The following IGSF9B variants were observed in gnomAD, a reference collection of about 807,000 sequenced individuals.
IGSF9B encodes the protein protein turtle homolog B.
Under a neutral mutation model 143.7 loss-of-function variants are expected in IGSF9B, and 48 were observed. That is an observed-to-expected ratio of 0.33 (90% confidence interval 0.26 to 0.42). IGSF9B has a LOEUF of 0.42. Ranked by LOEUF, IGSF9B falls within the 20% of genes least tolerant of loss-of-function variation. The probability of loss-of-function intolerance (pLI) is 1.00; values close to 1 mark genes in which losing one functional copy is unlikely to be tolerated. For missense variants in IGSF9B, 1,706 were observed against 1,980.0 expected (o/e 0.86, Z 2.63); for synonymous variants, 903 against 833.1 (o/e 1.08, Z -1.44).
intron 1 of IGSF9B, among the ~76,000 whole-genome samples, chr11:133,955,023 G>T (rs1315104328): frequency 6.6e-6 from 1 of 152,204 alleles, no homozygotes; most frequent in African/African-American, 2.4e-5. Flanking sequence ...CCTGACTTAG[G>T]TTCGGAGGCT....
rs1940089445 is a variant in IGSF9B, at chr11:133,948,058, T to TGC, written c.65-1801_65-1800insGC. Among the ~76,000 whole-genome samples, 1 of 33,274 alleles carries TGC rather than the reference T, an allele frequency of 3.0e-5. No homozygotes were observed. The highest frequency in any genetic ancestry group is 9.7e-5 in the African/African-American group (1 of 10,288). 21.8% of individuals were successfully genotyped at this position (33,274 alleles called of 152,430 possible). A position where few individuals can be genotyped will look rare whatever the true frequency, so the allele number is the denominator to read the frequency against. ...GTTTCTGTCTACCAGCATGTGTGCG[T>TGC]GTGTGTGTGTGTGTGTGTGTGTGTG... On this transcript the variant is annotated intron_variant, in intron 1 of 19. Transcript: ENST00000533871. This position sits in a 1 kb window ranked among gnomAD's most constrained non-coding sequence, Gnocchi z 4.7.
intron 4 of IGSF9B, 120 bp from the exon 5 acceptor site, chr11:133,937,613 T>C: frequency 2.0e-6 from 2 of 998,652 alleles, no homozygotes; most frequent in Non-Finnish European, 3.0e-6. Context: ...CAGATGCATC[T>C]GGGGGACACG....
At position 133,902,158 on chromosome 11, in the gene IGSF9B, C is replaced by CCACACACACCAAACA. The variant is rs1458706009; in HGVS notation, c.*6896_*6910dup. ...TACCACACCAAACACACCAGACACA[C>CCACACACACCAAACA]CACACACACCAAACACACACACACC... is the stretch of plus-strand genomic sequence containing the variant. On this transcript the variant is annotated 3_prime_UTR_variant, in exon 20 of 20. Transcript: ENST00000533871. 6.7e-6 allele frequency among the ~76,000 whole-genome samples: 1 copy of CCACACACACCAAACA among 149,012 alleles called. No homozygotes were observed. Among genetic ancestry groups the CCACACACACCAAACA allele is most frequent in the Non-Finnish European group, 1.5e-5 (1 of 67,200 alleles).
chr11:133,950,776 A>C (rs531213317), intron 1 of IGSF9B, among the ~76,000 whole-genome samples: 1 of 151,784 alleles, frequency 6.6e-6, no homozygotes, highest in South Asian at 2.1e-4. Context: ...AGACTCTGAG[A>C]CCCCTAGCTG....
In IGSF9B at chr11:133,935,608, C is replaced by T; in HGVS notation, c.967+9G>A. 1 of 1,608,064 alleles carries T rather than the reference C, an allele frequency of 6.2e-7. No homozygotes were observed. The highest frequency in any genetic ancestry group is 1.1e-5 in the South Asian group (1 of 89,670). On this transcript the variant is annotated intron_variant, in intron 7 of 19. Transcript: ENST00000533871. ...CCCACCACCCAGGCTCCCCTGCACC[C>T]CTACTCACACTGCACGGTCAGGTAC...
chr11:133,929,279 C>CA (rs985350919), intron 12 of IGSF9B, among the ~76,000 whole-genome samples: 29 of 151,882 alleles, frequency 1.9e-4, no homozygotes, highest in African/African-American at 6.0e-4. Context: ...TACAAAAATA[C>CA]AAAAAAAATT....
In IGSF9B at chr11:133,920,773, G is replaced by A. The variant is rs201156438; in HGVS notation, c.2952C>T (p.Tyr984=). The A allele has an allele frequency of 4.6e-3, 7,479 of 1,611,422 alleles. 99 individuals carry two copies. The highest frequency in any genetic ancestry group is 0.036 in the South Asian group (3,259 of 90,872). The change falls in exon 18 of 20, where the codon TAC becomes TAT. Residue 984 remains tyrosine (Y), a synonymous_variant. Coordinates refer to ENST00000533871, the MANE Select transcript of IGSF9B (RefSeq NM_001277285.4). Reference sequence around the variant, plus strand: ...TCAGGGGGCTGCCCACTTCTGGCACGTAGAACGGGGGCGGCTCCACCTCCC... The same window carrying A: ...TCAGGGGGCTGCCCACTTCTGGCACATAGAACGGGGGCGGCTCCACCTCCC... The part of the protein sequence containing the change: ...SPGEVEPPPF[Y]VPEVGSPLSS...
Position 133,953,069 on chromosome 11 carries a change from C to T in IGSF9B, c.64+3622G>A, listed in dbSNP as rs1477711901. On this transcript the variant is annotated intron_variant, in intron 1 of 19. Transcript: ENST00000533871. This position sits in a 1 kb window ranked among gnomAD's most constrained non-coding sequence, Gnocchi z 4.2. ...CCCAGCAGGGCTGAGGAAGAGAGGG[C>T]CAAGGAAGAAGACACAGCCAGCACC... 6.6e-6 allele frequency among the ~76,000 whole-genome samples: 1 copy of T among 152,082 alleles called. No individual in the cohort carries two copies. The highest frequency in any genetic ancestry group is 1.5e-5 in the Non-Finnish European group (1 of 68,002).
In IGSF9B at chr11:133,948,984, G is replaced by A. The variant is rs1343069648; in HGVS notation, c.65-2726C>T. 6.6e-6 allele frequency among the ~76,000 whole-genome samples: 1 copy of A among 152,132 alleles called. No individual in the cohort carries two copies. Among genetic ancestry groups the A allele is most frequent in the Non-Finnish European group, 1.5e-5 (1 of 68,024 alleles). ...GAGCCAGCCTCATTTTCACTGCACAGCAACGAGGCAGGCTCTTCAAATCTT... is the reference window on the plus strand; with the variant it reads ...GAGCCAGCCTCATTTTCACTGCACAACAACGAGGCAGGCTCTTCAAATCTT... On this transcript the variant is annotated intron_variant, in intron 1 of 19. Coordinates refer to ENST00000533871, the MANE Select transcript of IGSF9B (RefSeq NM_001277285.4). This position sits in a 1 kb window ranked among gnomAD's most constrained non-coding sequence, Gnocchi z 4.7.
intron 1 of IGSF9B, among the ~76,000 whole-genome samples, chr11:133,946,800 T>C (rs1940060466): frequency 6.6e-6 from 1 of 151,952 alleles, no homozygotes; most frequent in African/African-American, 2.4e-5. Flanking sequence ...CCGATGTGCA[T>C]GGCACAAAAC....
chr11:133,924,635 A>T (rs75502327), intron 15 of IGSF9B, among the ~76,000 whole-genome samples, 185 bp downstream of exon 15: 5,083 of 152,244 alleles, frequency 0.033, 198 homozygotes, highest in African/African-American at 0.095. Context: ...ACGAAATAGC[A>T]TGCATCATGG....
chr11:133,937,763 A>T, intron 4 of IGSF9B, 47 bp downstream of exon 4: 1 of 1,585,786 alleles, frequency 6.3e-7, no homozygotes, highest in Non-Finnish European at 8.6e-7. Context: ...TGCCCTGGGG[A>T]AACGGGGGAA....
chr11:133,901,375 T>A lies in IGSF9B; in HGVS notation c.*7694A>T, dbSNP rs1939115855. On this transcript the variant is annotated 3_prime_UTR_variant, in exon 20 of 20. Transcript: ENST00000533871. ...ACATCTCTAAGCACAGGTACAAAAA[T>A]AAAGCAAACTATGACTTCATATAGA... 6.6e-6 allele frequency: 1 copy of A among 152,060 alleles called. No homozygotes were observed. Among genetic ancestry groups the A allele is most frequent in the African/African-American group, 2.4e-5 (1 of 41,386 alleles). The allele number at this position is 152,060 out of a possible 1,614,324, so 9.4% of individuals were successfully genotyped here.
At chr11:133,910,761 G>C (rs1330479347) in intron 19 of IGSF9B, among the ~76,000 whole-genome samples, 5 of 152,168 alleles carry the variant, frequency 3.3e-5, no homozygotes, top group Non-Finnish European at 7.3e-5. Context: ...CAGAACAAGA[G>C]ACAATGCAGG....
At chr11:133,956,031 G>C (rs1164131950) in intron 1 of IGSF9B, among the ~76,000 whole-genome samples, 1 of 152,088 alleles carries the variant, frequency 6.6e-6, no homozygotes, top group Admixed American at 6.5e-5. Flanking sequence ...TGAGAGGCGC[G>C]GGGGCCGGCG....
chr11:133,938,533 T>C (rs573078144), intron 3 of IGSF9B, among the ~76,000 whole-genome samples: 1 of 152,364 alleles, frequency 6.6e-6, no homozygotes, highest in African/African-American at 2.4e-5. Flanking sequence ...TTCATTTTCC[T>C]CTGATCATGT....
Position 133,905,303 on chromosome 11 carries a change from C to T in IGSF9B, c.*3766G>A, listed in dbSNP as rs909991773. Among the ~76,000 whole-genome samples the T allele has an allele frequency of 6.6e-6, 1 of 151,698 alleles. No individual in the cohort carries two copies. The highest frequency in any genetic ancestry group is 1.5e-5 in the Non-Finnish European group (1 of 67,988). On this transcript the variant is annotated 3_prime_UTR_variant, in exon 20 of 20. Coordinates refer to ENST00000533871, the MANE Select transcript of IGSF9B (RefSeq NM_001277285.4). This position sits in a 1 kb window ranked among gnomAD's most constrained non-coding sequence, Gnocchi z 4.0. ...AATAGGAAGAAACAGATTCCAGCCACGCAGTCTTCAGCCCTGGAGATTCAG... is the reference window on the plus strand; with the variant it reads ...AATAGGAAGAAACAGATTCCAGCCATGCAGTCTTCAGCCCTGGAGATTCAG...
Position 133,902,225 on chromosome 11 carries a change from TACAC to T in IGSF9B, c.*6840_*6843del, listed in dbSNP as rs924462104. 1.8e-5 allele frequency among the ~76,000 whole-genome samples: 2 copies of T among 109,174 alleles called. No individual in the cohort carries two copies. The highest frequency in any genetic ancestry group is 3.7e-5 in the Non-Finnish European group (2 of 54,200). 71.6% of individuals were successfully genotyped at this position (109,174 alleles called of 152,430 possible). Reference sequence around the variant, plus strand: ...CCACAAGCATACACCACACGCAACATACACACACCAAACCACACTCAACACACCA... The same window carrying T: ...CCACAAGCATACACCACACGCAACATACACCAAACCACACTCAACACACCA... On this transcript the variant is annotated 3_prime_UTR_variant, in exon 20 of 20. Transcript: ENST00000533871.
chr11:133,945,758 C>A lies in IGSF9B; in HGVS notation c.262+303G>T, dbSNP rs144067255. The stretch of plus-strand genomic sequence containing the variant: ...GCCGTGCTGGCCCAGGGCTGCCTGA[C>A]TCAGTCTGCTGTCCTCTCCATCCCA... On this transcript the variant is annotated intron_variant, in intron 2 of 19. Coordinates refer to ENST00000533871, the MANE Select transcript of IGSF9B (RefSeq NM_001277285.4). This position sits in a 1 kb window ranked among gnomAD's most constrained non-coding sequence, Gnocchi z 4.6. Among the ~76,000 whole-genome samples the A allele has an allele frequency of 2.0e-5, 3 of 152,274 alleles. No individual in the cohort carries two copies. Among genetic ancestry groups the A allele is most frequent in the Non-Finnish European group, 4.4e-5 (3 of 68,020 alleles).
Sources: gnomAD v4.1 joint callset for allele counts (sites outside exome capture counted in the v4.1 genomes callset) on GRCh38, gnomAD v4.1.1 for gene constraint, Gnocchi (gnomAD v3.1) non-coding constraint, MANE v1.5 for transcripts, NCBI Gene and HGNC (gene_info 2026-07-23, HGNC 2026-07-21) for gene names.